The following EXOC4 variants were observed in gnomAD, a reference collection of about 807,000 sequenced individuals.
EXOC4 encodes the protein exocyst complex component 4, also known as SEC8-like 1.
A neutral mutation model predicts 107.2 loss-of-function variants in EXOC4; 71 were observed. The ratio of observed to expected loss-of-function variants is 0.66; its 90% CI spans 0.55 to 0.81. The LOEUF is 0.81. Ranked by LOEUF, EXOC4 falls within the 30% of genes least tolerant of loss-of-function variation. The pLI, the probability that EXOC4 is intolerant of heterozygous loss-of-function variation, is 0.00. For synonymous variants in EXOC4, 456 were observed against 441.2 expected (o/e 1.03, Z -0.42); for missense variants, 1,108 against 1,189.6 (o/e 0.93, Z 1.01).
At chr7:133,579,279 A>G (rs1801198661) in intron 9 of EXOC4, among the ~76,000 whole-genome samples, 1 of 152,224 alleles carries the variant, frequency 6.6e-6, no homozygotes, top group South Asian at 2.1e-4. Flanking sequence ...TGTCTCTGAA[A>G]TGAAAATGTA....
intron 9 of EXOC4, among the ~76,000 whole-genome samples, chr7:133,599,070 A>C (rs896719654): frequency 1.3e-5 from 2 of 152,178 alleles, no homozygotes; most frequent in African/African-American, 4.8e-5. Context: ...AAAATATCTC[A>C]GTTTTAAAAT....
intron 3 of EXOC4, among the ~76,000 whole-genome samples, chr7:133,294,217 G>C (rs1403188540): frequency 6.6e-6 from 1 of 152,182 alleles, no homozygotes; most frequent in Non-Finnish European, 1.5e-5. Context: ...CTTCTTCCCA[G>C]TGGCATGAGC....
Position 133,947,298 on chromosome 7 carries a change from G to T in EXOC4, c.2206+9229G>T, listed in dbSNP as rs573297170. On this transcript the variant is annotated intron_variant, in intron 14 of 17. Coordinates refer to ENST00000253861, the MANE Select transcript of EXOC4 (RefSeq NM_021807.4). ...TGTACTGGGTCTTCCCCTTCCTCCTGCCCCTTCAGGCTTCTCTTTTATCTC... is the reference window on the plus strand; with the variant it reads ...TGTACTGGGTCTTCCCCTTCCTCCTTCCCCTTCAGGCTTCTCTTTTATCTC... Among the ~76,000 whole-genome samples, 11 of 152,188 alleles carry T rather than the reference G, an allele frequency of 7.2e-5. No homozygotes were observed. The East Asian group carries it at 1.9e-3, about 27-fold the overall frequency.
intron 13 of EXOC4, among the ~76,000 whole-genome samples, chr7:133,929,338 A>C (rs1174674276): frequency 1.3e-5 from 2 of 151,034 alleles, no homozygotes; most frequent in African/African-American, 4.9e-5. Flanking sequence ...TAGGTTATTT[A>C]ACCATGGGTA....
intron 17 of EXOC4, among the ~76,000 whole-genome samples, chr7:134,016,802 G>T (rs1410111564): frequency 1.3e-5 from 2 of 152,200 alleles, no homozygotes; most frequent in African/African-American, 4.8e-5. Context: ...AAGGTTGTGA[G>T]TTTTCCTATT....
intron 9 of EXOC4, among the ~76,000 whole-genome samples, chr7:133,554,230 A>G (rs1800649338): frequency 6.6e-6 from 1 of 152,152 alleles, no homozygotes; most frequent in Admixed American, 6.5e-5. Context: ...TAGATTGATG[A>G]AATGTTTTAT....
chr7:133,962,217 G>A (rs992901206), intron 14 of EXOC4, among the ~76,000 whole-genome samples: 24 of 152,110 alleles, frequency 1.6e-4, no homozygotes, highest in African/African-American at 5.6e-4. Flanking sequence ...CATACTTACT[G>A]TGGAAATACA....
intron 10 of EXOC4, among the ~76,000 whole-genome samples, chr7:133,646,954 G>A (rs1226299026): frequency 6.6e-6 from 1 of 152,092 alleles, no homozygotes; most frequent in African/African-American, 2.4e-5. Flanking sequence ...AGCACACATG[G>A]CCCTTAATGG....
intron 9 of EXOC4, among the ~76,000 whole-genome samples, chr7:133,565,423 T>A (rs764703102): frequency 2.6e-5 from 4 of 152,178 alleles, no homozygotes; most frequent in Non-Finnish European, 4.4e-5. Flanking sequence ...CAATTACAGA[T>A]GCTACCTACT....
At chr7:133,831,575 A>G (rs376311693) in intron 11 of EXOC4, among the ~76,000 whole-genome samples, 3 of 93,292 alleles carry the variant, frequency 3.2e-5, no homozygotes, top group African/African-American at 1.2e-4. Context: ...TTTTTTTTTT[A>G]AGCATCTCCT....
At chr7:133,985,461 C>T (rs1794092651) in intron 14 of EXOC4, among the ~76,000 whole-genome samples, 1 of 152,162 alleles carries the variant, frequency 6.6e-6, no homozygotes, top group African/African-American at 2.4e-5. Flanking sequence ...ACCAGTTTTA[C>T]CTAGAAGCTG....
At chr7:133,591,765 G>T (rs1004030810) in intron 9 of EXOC4, among the ~76,000 whole-genome samples, 1 of 152,168 alleles carries the variant, frequency 6.6e-6, no homozygotes, top group Admixed American at 6.5e-5. Context: ...GGACCGCTCT[G>T]TAAAAGGTGA....
At chr7:134,029,667 A>G (rs1795225303) in intron 17 of EXOC4, among the ~76,000 whole-genome samples, 1 of 152,106 alleles carries the variant, frequency 6.6e-6, no homozygotes, top group African/African-American at 2.4e-5. Flanking sequence ...CCACAGGCAG[A>G]CACAATCACT....
At chr7:133,852,293 G>T (rs1411994636) in intron 11 of EXOC4, among the ~76,000 whole-genome samples, 1 of 148,828 alleles carries the variant, frequency 6.7e-6, no homozygotes, top group Non-Finnish European at 1.5e-5. Context: ...TGCAATCTCT[G>T]CTCACCTCAA....
chr7:133,446,494 C>G (rs1222250129), intron 7 of EXOC4, among the ~76,000 whole-genome samples: 1 of 152,120 alleles, frequency 6.6e-6, no homozygotes, highest in South Asian at 2.1e-4. Flanking sequence ...AACATGCCAG[C>G]TTATAACTTG....
chr7:133,512,935 G>A (rs1799800086), intron 9 of EXOC4, among the ~76,000 whole-genome samples: 3 of 152,104 alleles, frequency 2.0e-5, no homozygotes, highest in African/African-American at 2.4e-5. Flanking sequence ...GCAGAACCCC[G>A]TCTCTACTAA....
At chr7:133,805,372 CAG>C (rs1435615881) in intron 10 of EXOC4, among the ~76,000 whole-genome samples, 1 of 152,118 alleles carries the variant, frequency 6.6e-6, no homozygotes, top group South Asian at 2.1e-4. Flanking sequence ...TAAAAAAATA[CAG>C]AGAGTACATG....
chr7:133,630,458 A>C (rs1359222614), intron 10 of EXOC4, among the ~76,000 whole-genome samples: 1 of 151,710 alleles, frequency 6.6e-6, no homozygotes, highest in Non-Finnish European at 1.5e-5. Flanking sequence ...GAAACTGCTT[A>C]CTGGAGAAAT....
intron 5 of EXOC4, among the ~76,000 whole-genome samples, chr7:133,334,487 A>G (rs925601363): frequency 3.9e-5 from 6 of 152,092 alleles, no homozygotes; most frequent in East Asian, 3.9e-4. Context: ...TTATTCTTCA[A>G]TGTTCTTTTT....
Sources: allele counts gnomAD v4.1 joint callset (sites outside exome capture counted in the v4.1 genomes callset), GRCh38; gene constraint gnomAD v4.1.1; transcripts MANE v1.5; gene names NCBI Gene and HGNC (gene_info 2026-07-23, HGNC 2026-07-21).